The following RASAL2 variants were observed in gnomAD, a reference collection of about 807,000 sequenced individuals.
The protein encoded by RASAL2 is RAS protein activator like 2, also known as ras GTPase-activating protein nGAP.
In RASAL2, 58 loss-of-function variants were observed where a neutral mutation model predicts 128.9. The ratio of observed to expected loss-of-function variants is 0.45; its 90% CI spans 0.36 to 0.56. The LOEUF (loss-of-function observed/expected upper bound fraction) is 0.56, where lower values mean the gene tolerates loss of function less well. Among genes scored for constraint, RASAL2 ranks in the 20% least tolerant of loss-of-function variants. The pLI is 0.00. For synonymous variants in RASAL2, 561 were observed against 580.8 expected (o/e 0.97, Z 0.49); for missense variants, 1,360 against 1,601.6 (o/e 0.85, Z 2.57).
At chr1:178,472,944 G>C (rs1648405448) in intron 17 of RASAL2, 131 bp from the exon 18 acceptor site, 1 of 1,022,178 alleles carries the variant, frequency 9.8e-7, no homozygotes, top group Admixed American at 2.4e-5. Context: ...AAGAGGCAGA[G>C]ACGTTCCATT....
At chr1:178,451,054 T>C (rs1677342106) in intron 9 of RASAL2, among the ~76,000 whole-genome samples, 1 of 152,166 alleles carries the variant, frequency 6.6e-6, no homozygotes, top group Non-Finnish European at 1.5e-5. Flanking sequence ...AGATCTGCTA[T>C]ATTATTGTGC....
At position 178,466,019 on chromosome 1, in the gene RASAL2, C is replaced by A. The variant is rs1229759713; in HGVS notation, c.3487C>A (p.Gln1163Lys). ...RRLLVQEQQM[Q>K]KLLLEYKARL... is the part of the protein sequence containing the mutation. The stretch of plus-strand genomic sequence containing the variant: ...CTTGCTGGTGCAGGAGCAGCAGATG[C>A]AGAAGCTGCTGCTGGAATACAAGGC... Residue 1163 changes from glutamine to lysine, a missense_variant, in exon 16 of 18, where the codon CAG (glutamine) becomes AAG (lysine). By Grantham distance (53) the Gln-to-Lys change is moderately conservative (BLOSUM62 1). Around this residue, in one of 3 missense-constraint regions of RASAL2, gnomAD observed 741 missense variants for 868.6 expected, o/e 0.85. Coordinates refer to ENST00000367649, the MANE Select transcript of RASAL2 (RefSeq NM_170692.4). 1.9e-6 allele frequency: 3 copies of A among 1,571,674 alleles called. No individual in the cohort carries two copies. The highest frequency in any genetic ancestry group is 2.6e-6 in the Non-Finnish European group (3 of 1,157,144).
intron 1 of RASAL2, among the ~76,000 whole-genome samples, chr1:178,256,545 A>G (rs1665352120): frequency 6.6e-6 from 1 of 152,248 alleles, no homozygotes; most frequent in Non-Finnish European, 1.5e-5. Context: ...TAAACCAACA[A>G]GTAAAACTAT....
At chr1:178,217,282 CTT>C (rs1323209719) in intron 1 of RASAL2, among the ~76,000 whole-genome samples, 4 of 152,112 alleles carry the variant, frequency 2.6e-5, no homozygotes, top group African/African-American at 9.7e-5. Context: ...GCCAAGTAGA[CTT>C]TATTTTTTAG....
intron 1 of RASAL2, among the ~76,000 whole-genome samples, chr1:178,196,997 G>A (rs2101958291): frequency 6.6e-6 from 1 of 152,290 alleles, no homozygotes; most frequent in Non-Finnish European, 1.5e-5. Context: ...GAAGCCCTTT[G>A]AAAAATACCT....
chr1:178,457,002 G>A (rs979411470), intron 13 of RASAL2, 103 bp downstream of exon 13: 2 of 1,197,440 alleles, frequency 1.7e-6, no homozygotes, highest in Non-Finnish European at 2.3e-6. Flanking sequence ...TTAAAATCAT[G>A]AGCAACTGAA....
At position 178,349,516 on chromosome 1, in the gene RASAL2, G is replaced by A. The variant is rs1268797853; in HGVS notation, c.458-40584G>A. On this transcript the variant is annotated intron_variant, in intron 3 of 17. Coordinates refer to ENST00000367649, the MANE Select transcript of RASAL2 (RefSeq NM_170692.4). The stretch of plus-strand genomic sequence containing the variant: ...TAGGTTAGATGAGGAAAGCATTTGG[G>A]AAACTAGGCTTGTGGATGTATCCTC... Among the ~76,000 whole-genome samples the A allele has an allele frequency of 2.0e-5, 3 of 152,162 alleles. No homozygotes were observed. The East Asian group carries it at 5.8e-4, about 29-fold the overall frequency.
intron 4 of RASAL2, among the ~76,000 whole-genome samples, chr1:178,393,279 C>G (rs1204289048): frequency 6.6e-6 from 1 of 152,142 alleles, no homozygotes; most frequent in East Asian, 1.9e-4. Flanking sequence ...AATTATGCAA[C>G]TCACCATAAT....
chr1:178,346,348 C>T (rs374370352), intron 3 of RASAL2, among the ~76,000 whole-genome samples: 15 of 151,640 alleles, frequency 9.9e-5, no homozygotes, highest in East Asian at 9.7e-4. Context: ...CTGCAGTGAG[C>T]TATGGTCACA....
intron 5 of RASAL2, among the ~76,000 whole-genome samples, chr1:178,435,042 A>G (rs997143524): frequency 8.6e-5 from 13 of 152,016 alleles, no homozygotes; most frequent in African/African-American, 3.1e-4. Context: ...AGAAATGCAT[A>G]CTGGTGAATA....
chr1:178,392,882 T>A (rs1448175381), intron 4 of RASAL2, among the ~76,000 whole-genome samples: 1 of 152,162 alleles, frequency 6.6e-6, no homozygotes, highest in African/African-American at 2.4e-5. Flanking sequence ...CAGGGAACCC[T>A]AAAAAACCTT....
chr1:178,196,902 A>C (rs1250500951), intron 1 of RASAL2, among the ~76,000 whole-genome samples: 1 of 152,244 alleles, frequency 6.6e-6, no homozygotes, highest in Non-Finnish European at 1.5e-5. Flanking sequence ...CTGATGACTA[A>C]ACATTAAAAA....
At chr1:178,184,606 C>T (rs1662226573) in intron 1 of RASAL2, among the ~76,000 whole-genome samples, 1 of 151,904 alleles carries the variant, frequency 6.6e-6, no homozygotes, top group Non-Finnish European at 1.5e-5. Flanking sequence ...TTACTTGTTT[C>T]CTTTTGTCAA....
intron 2 of RASAL2, among the ~76,000 whole-genome samples, chr1:178,294,414 T>A (rs1667405169): frequency 6.6e-6 from 1 of 152,172 alleles, no homozygotes; most frequent in African/African-American, 2.4e-5. Context: ...TTGGAACTAT[T>A]ATGATAACTA....
At chr1:178,283,442 C>A in intron 1 of RASAL2, 122 bp from the exon 2 acceptor site, 1 of 1,191,696 alleles carries the variant, frequency 8.4e-7, no homozygotes, top group Non-Finnish European at 1.2e-6. Flanking sequence ...TTTAAATTTA[C>A]CATTGAGATT....
intron 5 of RASAL2, among the ~76,000 whole-genome samples, chr1:178,439,177 T>C (rs1287392010): frequency 1.3e-5 from 2 of 152,054 alleles, no homozygotes; most frequent in Non-Finnish European, 2.9e-5. Flanking sequence ...ACTAGTAAAA[T>C]TATAGTATAT....
At position 178,118,571 on chromosome 1, in the gene RASAL2, G is replaced by T. The variant is rs74128848; in HGVS notation, c.202+23877G>T. Among the ~76,000 whole-genome samples the T allele has an allele frequency of 5.5e-3, 836 of 152,260 alleles. 11 individuals carry two copies. Among genetic ancestry groups the T allele is most frequent in the African/African-American group, 0.019 (783 of 41,540 alleles). On this transcript the variant is annotated intron_variant, in intron 1 of 17. Transcript: ENST00000367649. The stretch of plus-strand genomic sequence containing the variant: ...TTGTGGATCTATTCCTTTCCAGTTT[G>T]GGGATCTTTTGTGGTTGGGAAGTAA...
In RASAL2 at chr1:178,319,162, C is replaced by T. The variant is rs552441298; in HGVS notation, c.457+19044C>T. ...CTTGTAGGATTTCTGCCGAGAGATC[C>T]GCTGTTAGTCTGATGGGCTTCCCTT... On this transcript the variant is annotated intron_variant, in intron 3 of 17. Transcript: ENST00000367649. Among the ~76,000 whole-genome samples, 262 of 152,220 alleles carry T rather than the reference C, an allele frequency of 1.7e-3. 1 individual carries two copies. Among genetic ancestry groups the T allele is most frequent in the Middle Eastern group, 6.8e-3 (2 of 294 alleles).
At chr1:178,396,461 G>A (rs1673233339) in intron 4 of RASAL2, among the ~76,000 whole-genome samples, 1 of 152,132 alleles carries the variant, frequency 6.6e-6, no homozygotes, top group East Asian at 1.9e-4. Context: ...TAGCTACTAA[G>A]TATAACCTCT....
Sources: allele counts gnomAD v4.1 joint callset (sites outside exome capture counted in the v4.1 genomes callset), GRCh38; gene constraint gnomAD v4.1.1; regional missense constraint gnomAD v4.1.1; transcripts MANE v1.5; gene names NCBI Gene and HGNC (gene_info 2026-07-23, HGNC 2026-07-21).